Variants in GRB10 observed in about 807,000 individuals in gnomAD.
GRB10 encodes the protein growth factor receptor-bound protein 10.
Under a neutral mutation model 80.9 loss-of-function variants are expected in GRB10, and 20 were observed. The observed-to-expected ratio is 0.25, with a 90% CI of 0.17 to 0.36. GRB10 has a LOEUF of 0.36. Among genes scored for constraint, GRB10 ranks in the 10% least tolerant of loss-of-function variants. GRB10 has a pLI of 1.00. For missense variants in GRB10, 548 were observed against 747.7 expected, an observed-to-expected ratio of 0.73 and a Z score of 3.12; for synonymous variants, 291 against 291.5, an observed-to-expected ratio of 1.00 and a Z score of 0.02.
intron 17 of GRB10, among the ~76,000 whole-genome samples, chr7:50,599,639 G>C (rs2047259449): frequency 6.6e-6 from 1 of 152,218 alleles, no homozygotes; most frequent in South Asian, 2.1e-4. Flanking sequence ...ACCTGCTGAA[G>C]AATAAGACGG....
At chr7:50,723,681 G>T (rs1236667992) in intron 4 of GRB10, among the ~76,000 whole-genome samples, 1 of 152,206 alleles carries the variant, frequency 6.6e-6, no homozygotes, top group African/African-American at 2.4e-5. Flanking sequence ...GTCCCTGGAG[G>T]CTCTCATTTC....
At chr7:50,771,451 C>A (rs1302523758) in intron 2 of GRB10, among the ~76,000 whole-genome samples, 1 of 152,222 alleles carries the variant, frequency 6.6e-6, no homozygotes, top group African/African-American at 2.4e-5. Flanking sequence ...GCATAAGCCA[C>A]ACGAACAGCG....
intron 5 of GRB10, among the ~76,000 whole-genome samples, chr7:50,679,076 A>C (rs924454282): frequency 6.6e-6 from 1 of 152,240 alleles, no homozygotes; most frequent in African/African-American, 2.4e-5. Flanking sequence ...TTCTGCACAA[A>C]TATAGGTCAA....
chr7:50,752,151 A>G (rs895374475), intron 3 of GRB10, among the ~76,000 whole-genome samples: 1 of 152,266 alleles, frequency 6.6e-6, no homozygotes, highest in Non-Finnish European at 1.5e-5. Flanking sequence ...AAACAAGACA[A>G]TAAGAACTCC....
chr7:50,701,082 G>T (rs2064143853), intron 5 of GRB10, among the ~76,000 whole-genome samples: 1 of 151,934 alleles, frequency 6.6e-6, no homozygotes, highest in Non-Finnish European at 1.5e-5. Context: ...ACTTGATGTT[G>T]TTTGATTGTT....
chr7:50,662,303 C>T (rs564926867), intron 7 of GRB10, among the ~76,000 whole-genome samples: 5 of 152,246 alleles, frequency 3.3e-5, no homozygotes, highest in East Asian at 3.9e-4. Context: ...CCAGGATGTG[C>T]GAGGCACAAT....
chr7:50,625,680 T>C (rs2052744620), intron 8 of GRB10, among the ~76,000 whole-genome samples: 1 of 152,236 alleles, frequency 6.6e-6, no homozygotes, highest in African/African-American at 2.4e-5. Context: ...GTCACACAAA[T>C]GCGTTTAGCA....
intron 3 of GRB10, chr7:50,747,662 C>T (rs2073216080): frequency 6.6e-6 from 1 of 152,200 alleles, no homozygotes. Context: ...GGGACCCCAG[C>T]TTCTCTGCTG....
At chr7:50,671,488 C>A (rs1341403346) in intron 6 of GRB10, among the ~76,000 whole-genome samples, 1 of 152,212 alleles carries the variant, frequency 6.6e-6, no homozygotes, top group Non-Finnish European at 1.5e-5. Flanking sequence ...TTTAAAATTA[C>A]GAGAACTCAC....
chr7:50,720,760 C>G (rs1435512571), intron 4 of GRB10, among the ~76,000 whole-genome samples: 1 of 151,782 alleles, frequency 6.6e-6, no homozygotes, highest in Admixed American at 6.6e-5. Flanking sequence ...TAAGGTTCCT[C>G]TCTCTGCCAA....
At chr7:50,768,934 G>C (rs2076676019) in intron 2 of GRB10, among the ~76,000 whole-genome samples, 1 of 152,196 alleles carries the variant, frequency 6.6e-6, no homozygotes, top group African/African-American at 2.4e-5. Context: ...TCTTGGAACA[G>C]AGGCAAAGCC....
intron 5 of GRB10, among the ~76,000 whole-genome samples, chr7:50,696,230 T>C (rs1228020782): frequency 1.3e-5 from 2 of 152,230 alleles, no homozygotes; most frequent in Non-Finnish European, 2.9e-5. Flanking sequence ...TGTATGACCT[T>C]TGCAAGGCTT....
At chr7:50,734,217 G>A (rs143898902) in intron 3 of GRB10, among the ~76,000 whole-genome samples, 202 of 152,084 alleles carry the variant, frequency 1.3e-3, no homozygotes, top group African/African-American at 4.5e-3. Context: ...GCAGCCAGGC[G>A]GCCTCTGCCT....
In GRB10 at chr7:50,674,511, G is replaced by T; in HGVS notation, c.287C>A (p.Pro96His). 6 of 1,610,164 alleles carry T rather than the reference G, an allele frequency of 3.7e-6. No homozygotes were observed. The highest frequency in any genetic ancestry group is 4.2e-6 in the Non-Finnish European group (5 of 1,179,992). ...ARSQPRASGPPRSIQPQVSPR... is the reference protein window; with the variant it reads ...ARSQPRASGPHRSIQPQVSPR... Reference sequence around the variant, plus strand: ...GGACACCTGTGGCTGGATGGACCGAGGAGGGCCTGAAGCCCGAGGCTGGCT... The same window carrying T: ...GGACACCTGTGGCTGGATGGACCGATGAGGGCCTGAAGCCCGAGGCTGGCT... The change falls in exon 6 of 19, where the codon CCT (proline) becomes CAT (histidine). Residue 96 changes from proline (P) to histidine (H), a missense_variant. Pro to His is a moderately conservative substitution (Grantham distance 77). This residue lies in a region of GRB10 where 245 missense variants were observed against 229.3 expected (regional missense o/e 1.07). Transcript: ENST00000401949.
intron 13 of GRB10, 94 bp from the exon 14 acceptor site, chr7:50,606,508 C>T (rs977181253): frequency 3.9e-5 from 34 of 878,700 alleles, no homozygotes; most frequent in African/African-American, 1.6e-4. Flanking sequence ...ATGTTGAGTG[C>T]GGAACAGGGA....
chr7:50,711,277 C>T (rs2065858646), intron 4 of GRB10, among the ~76,000 whole-genome samples: 1 of 151,812 alleles, frequency 6.6e-6, no homozygotes, highest in Non-Finnish European at 1.5e-5. Flanking sequence ...CCCTGAAACC[C>T]TCTCCTGCAG....
chr7:50,714,720 G>A (rs2066562704), intron 4 of GRB10, among the ~76,000 whole-genome samples: 1 of 151,734 alleles, frequency 6.6e-6, no homozygotes, highest in Non-Finnish European at 1.5e-5. Context: ...CCCAGGTGGG[G>A]TGCACAAAGC....
chr7:50,667,116 G>C (rs1035248709), intron 7 of GRB10, among the ~76,000 whole-genome samples: 1 of 150,830 alleles, frequency 6.6e-6, no homozygotes, highest in Non-Finnish European at 1.5e-5. Context: ...AGAAGGCTTT[G>C]CCTACAAAGC....
intron 2 of GRB10, among the ~76,000 whole-genome samples, chr7:50,769,846 T>G (rs866755199): frequency 6.6e-6 from 1 of 152,286 alleles, no homozygotes; most frequent in Middle Eastern, 3.4e-3. Context: ...TGCTGTCGAT[T>G]AACACTCCTT....
Sources: gnomAD v4.1 joint callset for allele counts (sites outside exome capture counted in the v4.1 genomes callset) on GRCh38, gnomAD v4.1.1 for gene constraint, gnomAD v4.1.1 regional missense constraint, MANE v1.5 for transcripts, NCBI Gene and HGNC (gene_info 2026-07-23, HGNC 2026-07-21) for gene names.